ADAMTSL1: variants seen among roughly 807,000 people sequenced by gnomAD.
ADAMTSL1 encodes ADAMTS like 1, also known as ADAMTS-like protein 1.
A neutral mutation model predicts 201.8 loss-of-function variants in ADAMTSL1; 126 were observed. That is an observed-to-expected ratio of 0.62 (90% CI 0.54 to 0.72). ADAMTSL1 has a LOEUF of 0.72. Ranked by LOEUF, ADAMTSL1 falls within the 30% of genes least tolerant of loss-of-function variation. ADAMTSL1 has a pLI of 0.00. For synonymous variants in ADAMTSL1, 1,121 were observed against 903.4 expected (o/e 1.24, Z -4.32); for missense variants, 2,679 against 2,277.8 (o/e 1.18, Z -3.59).
At chr9:17,949,921 G>A (rs554604541) in intron 1 of ADAMTSL1, among the ~76,000 whole-genome samples, 100 of 152,154 alleles carry the variant, frequency 6.6e-4, no homozygotes, top group African/African-American at 2.3e-3. Context: ...TGCTGTTACC[G>A]TAGTGCTTTT....
rs1268472639 is a variant in ADAMTSL1 at position 18,775,910 on chromosome 9, G to A, written c.2551+14G>A. On this transcript the variant is annotated intron_variant, in intron 18 of 28. Transcript: ENST00000380548. The stretch of plus-strand genomic sequence containing the variant: ...CAACCTGTGCAAGTAAGTATGTCAG[G>A]GCTCTGGGAATGGGGAGATGAAACC... The A allele has an allele frequency of 1.3e-6, 2 of 1,581,448 alleles. No individual in the cohort carries two copies. Among genetic ancestry groups the A allele is most frequent in the Non-Finnish European group, 1.7e-6 (2 of 1,162,668 alleles).
chr9:18,750,155 T>G (rs506193), intron 15 of ADAMTSL1, among the ~76,000 whole-genome samples: 119,851 of 152,122 alleles, frequency 0.79, 47,349 homozygotes, highest in Non-Finnish European at 0.82. Context: ...AACCTTTTTT[T>G]AAGCATAATA....
At position 18,680,407 on chromosome 9, in the gene ADAMTSL1, A is replaced by G. The variant is rs1364706429; in HGVS notation, c.1232A>G (p.His411Arg). The change falls in exon 11 of 29, where the codon CAT (histidine) becomes CGT (arginine). Residue 411 changes from histidine (H) to arginine (R), a missense_variant. His to Arg is a conservative substitution (Grantham distance 29, BLOSUM62 0). Transcript: ENST00000380548. Reference protein sequence around the residue: ...VSCVEEDIQGHVTSVEEWKCM... With the variant: ...VSCVEEDIQGRVTSVEEWKCM... ...TGTGTGGAGGAGGACATCCAGGGGCATGTCACTTCAGTGGAAGAGTGGAAA... is the reference window on the plus strand; with the variant it reads ...TGTGTGGAGGAGGACATCCAGGGGCGTGTCACTTCAGTGGAAGAGTGGAAA... 6.2e-7 allele frequency: 1 copy of G among 1,614,164 alleles called. No individual in the cohort carries two copies. Among genetic ancestry groups the G allele is most frequent in the Non-Finnish European group, 8.5e-7 (1 of 1,180,026 alleles).
chr9:18,499,166 C>G (rs1171891681), intron 1 of ADAMTSL1, among the ~76,000 whole-genome samples: 1 of 152,242 alleles, frequency 6.6e-6, no homozygotes, highest in Non-Finnish European at 1.5e-5. Flanking sequence ...TTCATCATAT[C>G]TCCCAACAGT....
chr9:18,905,990 T>A (rs375238928), intron 27 of ADAMTSL1, 99 bp downstream of exon 27: 2 of 1,076,976 alleles, frequency 1.9e-6, no homozygotes, highest in African/African-American at 1.6e-5. Flanking sequence ...CTTACCACAG[T>A]CCCAAGCCCT....
chr9:18,836,440 C>T (rs976258438), intron 23 of ADAMTSL1, among the ~76,000 whole-genome samples: 6 of 152,012 alleles, frequency 3.9e-5, no homozygotes, highest in African/African-American at 1.4e-4. Context: ...TTGATTAGGT[C>T]CAACTTGTCA....
chr9:18,858,178 A>G (rs530791634), intron 23 of ADAMTSL1, among the ~76,000 whole-genome samples: 98 of 67,284 alleles, frequency 1.5e-3, no homozygotes, highest in African/African-American at 7.6e-3. Flanking sequence ...ACCCAACACC[A>G]CAGGATTTAT....
At chr9:18,428,332 C>A (rs1819320976) in intron 2 of ADAMTSL1, among the ~76,000 whole-genome samples, 1 of 149,208 alleles carries the variant, frequency 6.7e-6, no homozygotes, top group African/African-American at 2.5e-5. Context: ...ATCAGTGGCT[C>A]ACATCTATAA....
chr9:18,762,008 C>G (rs1195405270), intron 16 of ADAMTSL1, among the ~76,000 whole-genome samples: 2 of 152,232 alleles, frequency 1.3e-5, no homozygotes, highest in African/African-American at 4.8e-5. Flanking sequence ...GGTAGATGAT[C>G]AGCCCATCAG....
At chr9:18,294,416 A>G (rs1406416418) in intron 2 of ADAMTSL1, among the ~76,000 whole-genome samples, 1 of 152,240 alleles carries the variant, frequency 6.6e-6, no homozygotes, top group Non-Finnish European at 1.5e-5. Flanking sequence ...ATAGGAGTGA[A>G]GAGAGCCAAA....
chr9:18,168,047 C>T (rs565427566), intron 2 of ADAMTSL1, among the ~76,000 whole-genome samples: 6 of 152,028 alleles, frequency 3.9e-5, no homozygotes, highest in African/African-American at 1.4e-4. Context: ...CGCAAATGTA[C>T]ACATGCTCTA....
At chr9:18,192,584 T>G (rs1308380409) in intron 2 of ADAMTSL1, among the ~76,000 whole-genome samples, 1 of 152,170 alleles carries the variant, frequency 6.6e-6, no homozygotes, top group African/African-American at 2.4e-5. Context: ...TATTCTCCAG[T>G]GTTTTTCCAT....
At chr9:18,265,821 G>A (rs1832098524) in intron 2 of ADAMTSL1, among the ~76,000 whole-genome samples, 2 of 152,218 alleles carry the variant, frequency 1.3e-5, no homozygotes, top group South Asian at 4.2e-4. Flanking sequence ...GAAAAGGGAG[G>A]TTAAACTGCA....
rs553952713 is a variant in ADAMTSL1, at chr9:18,036,317, C to T, written c.88-127545C>T. 4.1e-4 allele frequency among the ~76,000 whole-genome samples: 63 copies of T among 152,280 alleles called. 1 individual carries two copies. The highest frequency in any genetic ancestry group is 1.4e-3 in the African/African-American group (57 of 41,572). ...CTCCTTCTATGGAATTTTCACTTTT[C>T]CCAAAGGCCCGTGGATTCTCCGTAT... is the stretch of plus-strand genomic sequence containing the variant. On this transcript the variant is annotated intron_variant, in intron 1 of 29. Transcript: ENST00000680146.
At chr9:17,995,822 C>T (rs527429747) in intron 1 of ADAMTSL1, among the ~76,000 whole-genome samples, 7 of 151,608 alleles carry the variant, frequency 4.6e-5, no homozygotes, top group Admixed American at 2.0e-4. Flanking sequence ...AATGCTGGTG[C>T]TGGAAATAGA....
intron 5 of ADAMTSL1, among the ~76,000 whole-genome samples, chr9:18,631,179 G>T (rs1826746584): frequency 6.6e-6 from 1 of 152,152 alleles, no homozygotes; most frequent in Admixed American, 6.5e-5. Context: ...CTTTTTAACT[G>T]ATTACATATA....
intron 3 of ADAMTSL1, among the ~76,000 whole-genome samples, chr9:18,545,842 C>T (rs996978575): frequency 6.6e-6 from 1 of 152,196 alleles, no homozygotes. Flanking sequence ...ACCAAATAAG[C>T]TGCCATGCCT....
chr9:18,032,980 G>A (rs971132550), intron 1 of ADAMTSL1, among the ~76,000 whole-genome samples: 1 of 152,080 alleles, frequency 6.6e-6, no homozygotes, highest in Admixed American at 6.5e-5. Context: ...AGATCTGTTC[G>A]AAATGTAATC....
chr9:18,736,848 A>G (rs575120185), intron 15 of ADAMTSL1, among the ~76,000 whole-genome samples: 111 of 152,262 alleles, frequency 7.3e-4, no homozygotes, highest in African/African-American at 2.6e-3. Flanking sequence ...ATGGAAGCCT[A>G]CCCCAACATT....
Sources: gnomAD v4.1 joint callset for allele counts (sites outside exome capture counted in the v4.1 genomes callset) on GRCh38, gnomAD v4.1.1 for gene constraint, MANE v1.5 for transcripts, NCBI Gene and HGNC (gene_info 2026-07-23, HGNC 2026-07-21) for gene names.